The following FANCC variants were observed in gnomAD, a reference collection of about 807,000 sequenced individuals.
FANCC encodes the protein Fanconi anemia group C protein.
In FANCC, 55 loss-of-function variants were observed where a neutral mutation model predicts 71.3. The ratio of observed to expected loss-of-function variants is 0.77; its 90% CI spans 0.62 to 0.97. The LOEUF (loss-of-function observed/expected upper bound fraction) is 0.97. FANCC is among the 50% of genes least tolerant of loss of function. The pLI is 0.00. For missense variants in FANCC, 678 were observed against 670.9 expected (o/e 1.01, Z -0.12); for synonymous variants, 275 against 244.9 (o/e 1.12, Z -1.15).
intron 7 of FANCC, among the ~76,000 whole-genome samples, chr9:95,139,537 A>AGT (rs1828266630): frequency 6.6e-6 from 1 of 152,062 alleles, no homozygotes; most frequent in Admixed American, 6.6e-5. Flanking sequence ...GGCGGAACAG[A>AGT]GTGTGGGCCT....
intron 1 of FANCC, among the ~76,000 whole-genome samples, chr9:95,286,701 G>A (rs1235114114): frequency 6.6e-6 from 1 of 152,140 alleles, no homozygotes; most frequent in East Asian, 1.9e-4. Context: ...AGAGTCTCGA[G>A]GGCTGATTAC....
At chr9:95,110,837 T>C (rs2071858331) in intron 13 of FANCC, 3 of 1,168,652 alleles carry the variant, frequency 2.6e-6, no homozygotes, top group South Asian at 5.8e-5. Context: ...CTGTAATTAT[T>C]ATATTCCACA....
chr9:95,313,973 G>A (rs780131962), intron 1 of FANCC, among the ~76,000 whole-genome samples: 1 of 152,148 alleles, frequency 6.6e-6, no homozygotes, highest in African/African-American at 2.4e-5. Context: ...TACAGCTAAC[G>A]TCGTATCTAA....
At chr9:95,225,459 C>T (rs149089266) in intron 4 of FANCC, among the ~76,000 whole-genome samples, 1 of 152,218 alleles carries the variant, frequency 6.6e-6, no homozygotes, top group African/African-American at 2.4e-5. Context: ...GGGGAAGAGG[C>T]ATCAGAAGGG....
Position 95,104,110 on chromosome 9 carries a change from C to G in FANCC, c.1534-2260G>C, listed in dbSNP as rs114981027. On this transcript the variant is annotated intron_variant, in intron 14 of 14. Coordinates refer to ENST00000289081, the MANE Select transcript of FANCC (RefSeq NM_000136.3). Reference sequence around the variant, plus strand: ...TGGGCCAAGCAGACCCGGCTCTTTCCAAGGTGCTGTCGGCAGAGGAACTGA... The same window carrying G: ...TGGGCCAAGCAGACCCGGCTCTTTCGAAGGTGCTGTCGGCAGAGGAACTGA... Among the ~76,000 whole-genome samples, 1,470 of 152,266 alleles carry G rather than the reference C, an allele frequency of 9.7e-3. 29 individuals carry two copies. The highest frequency in any genetic ancestry group is 0.033 in the African/African-American group (1,388 of 41,532).
At chr9:95,125,003 A>G in intron 10 of FANCC, 83 bp downstream of exon 10, 1 of 1,196,664 alleles carries the variant, frequency 8.4e-7, no homozygotes, top group Non-Finnish European at 1.2e-6. Context: ...AAAATTATTG[A>G]AAATAAAGTG....
intron 1 of FANCC, among the ~76,000 whole-genome samples, chr9:95,259,996 T>A (rs1831920827): frequency 6.6e-6 from 1 of 152,108 alleles, no homozygotes; most frequent in African/African-American, 2.4e-5. Flanking sequence ...TGAGACACCA[T>A]CTCACGCCAG....
chr9:95,160,685 G>C (rs1203086662), intron 6 of FANCC, among the ~76,000 whole-genome samples: 1 of 152,140 alleles, frequency 6.6e-6, no homozygotes, highest in African/African-American at 2.4e-5. Flanking sequence ...CCGTTTGTTT[G>C]TGTCTTCTTT....
chr9:95,150,596 T>C (rs891687744), intron 6 of FANCC, among the ~76,000 whole-genome samples: 1 of 152,182 alleles, frequency 6.6e-6, no homozygotes, highest in Non-Finnish European at 1.5e-5. Context: ...CTCACTCCTA[T>C]AGTTTAACAT....
intron 1 of FANCC, among the ~76,000 whole-genome samples, chr9:95,251,092 T>C (rs1440815048): frequency 2.6e-5 from 4 of 152,220 alleles, no homozygotes; most frequent in African/African-American, 9.6e-5. Flanking sequence ...TCCTTTCTGC[T>C]GATTCCAGTT....
At chr9:95,224,502 G>GT (rs1829487136) in intron 4 of FANCC, among the ~76,000 whole-genome samples, 1 of 150,242 alleles carries the variant, frequency 6.7e-6, no homozygotes, top group Non-Finnish European at 1.5e-5. Context: ...TTGAAGATTG[G>GT]TTAAAAAAAA....
At chr9:95,112,843 G>A (rs1250554750) in intron 12 of FANCC, among the ~76,000 whole-genome samples, 2 of 152,244 alleles carry the variant, frequency 1.3e-5, no homozygotes, top group Non-Finnish European at 1.5e-5. Context: ...GGAGCCCCAC[G>A]AGGTCTAAGT....
intron 4 of FANCC, among the ~76,000 whole-genome samples, chr9:95,184,162 T>C (rs1588242053): frequency 2.6e-5 from 4 of 152,284 alleles, no homozygotes; most frequent in African/African-American, 7.2e-5. Context: ...TGTAATTAAA[T>C]GAATTTTATT....
intron 13 of FANCC, chr9:95,111,114 C>T (rs544984694): frequency 1.3e-6 from 2 of 1,525,806 alleles, no homozygotes; most frequent in African/African-American, 1.4e-5. Context: ...TGCCGGCACA[C>T]CCCTCAGAAC....
chr9:95,172,191 T>G (rs770655428), intron 4 of FANCC, 44 bp from the exon 5 acceptor site: 1 of 1,285,622 alleles, frequency 7.8e-7, no homozygotes, highest in Non-Finnish European at 1.1e-6. Context: ...TAAAAGTAAA[T>G]GCAAGTGCCT....
intron 4 of FANCC, among the ~76,000 whole-genome samples, chr9:95,184,402 C>T (rs1350073101): frequency 6.6e-6 from 1 of 152,120 alleles, no homozygotes; most frequent in Non-Finnish European, 1.5e-5. Flanking sequence ...TAAAACAACT[C>T]ATAAGCACCA....
intron 1 of FANCC, chr9:95,294,874 C>CG: frequency 2.2e-6 from 3 of 1,390,658 alleles, no homozygotes; most frequent in Non-Finnish European, 2.9e-6. Flanking sequence ...AAACTACGGA[C>CG]GGGGGACAAC....
chr9:95,129,084 G>A (rs559108650), intron 8 of FANCC, among the ~76,000 whole-genome samples: 1 of 152,038 alleles, frequency 6.6e-6, no homozygotes, highest in Admixed American at 6.5e-5. Flanking sequence ...TGTATTTTTA[G>A]TAGAGATGGG....
At chr9:95,104,112 A>G (rs2071260171) in intron 14 of FANCC, among the ~76,000 whole-genome samples, 1 of 152,156 alleles carries the variant, frequency 6.6e-6, no homozygotes, top group African/African-American at 2.4e-5. Flanking sequence ...GCTCTTTCCA[A>G]GGTGCTGTCG....
Sources: gnomAD v4.1 joint callset for allele counts (sites outside exome capture counted in the v4.1 genomes callset) on GRCh38, gnomAD v4.1.1 for gene constraint, MANE v1.5 for transcripts, NCBI Gene and HGNC (gene_info 2026-07-23, HGNC 2026-07-21) for gene names.